The following ASIC2 variants were observed in gnomAD, a reference collection of about 807,000 sequenced individuals.
ASIC2 encodes acid-sensing ion channel 2.
ASIC2 carries 25 observed loss-of-function variants against 57.3 expected under a neutral mutation model. That is an observed-to-expected ratio of 0.44 (90% CI 0.32 to 0.61). ASIC2 has a LOEUF of 0.61. Among genes scored for constraint, ASIC2 ranks in the 20% least tolerant of loss-of-function variants. The pLI is 0.06. For missense variants in ASIC2, 641 were observed against 738.1 expected (o/e 0.87, Z 1.52); for synonymous variants, 319 against 307.5 (o/e 1.04, Z -0.39).
At chr17:33,860,738 T>C (rs1456496247) in intron 1 of ASIC2, among the ~76,000 whole-genome samples, 1 of 152,228 alleles carries the variant, frequency 6.6e-6, no homozygotes, top group East Asian at 1.9e-4. Flanking sequence ...AGATATATTT[T>C]TGCTGCCATT....
chr17:33,089,684 A>G (rs1313038690), intron 2 of ASIC2, among the ~76,000 whole-genome samples: 1 of 152,252 alleles, frequency 6.6e-6, no homozygotes, highest in African/African-American at 2.4e-5. Flanking sequence ...CTTCTGGGTC[A>G]TGAACTGAAG....
intron 1 of ASIC2, among the ~76,000 whole-genome samples, chr17:33,874,310 G>A (rs376333247): frequency 3.2e-4 from 49 of 152,138 alleles, no homozygotes; most frequent in South Asian, 2.9e-3. Flanking sequence ...TAGGGCTGCC[G>A]GATAAAATAC....
chr17:33,761,322 T>C (rs1483332501), intron 1 of ASIC2, among the ~76,000 whole-genome samples: 1 of 152,112 alleles, frequency 6.6e-6, no homozygotes, highest in Non-Finnish European at 1.5e-5. Context: ...ATCTGCTGGT[T>C]GGGTTATGGG....
At chr17:33,558,976 C>T (rs1483020436) in intron 1 of ASIC2, among the ~76,000 whole-genome samples, 3 of 152,138 alleles carry the variant, frequency 2.0e-5, no homozygotes, top group Non-Finnish European at 4.4e-5. Context: ...CCATGTTGGT[C>T]AGGCTGGTCT....
intron 1 of ASIC2, among the ~76,000 whole-genome samples, chr17:33,359,549 C>T (rs977175936): frequency 6.6e-6 from 1 of 152,084 alleles, no homozygotes; most frequent in Non-Finnish European, 1.5e-5. Context: ...AGCAGTGAGG[C>T]CAAGTAGCAA....
At chr17:33,151,628 C>A (rs968266785) in intron 1 of ASIC2, among the ~76,000 whole-genome samples, 1 of 152,122 alleles carries the variant, frequency 6.6e-6, no homozygotes, top group Non-Finnish European at 1.5e-5. Context: ...ATTAATGAAG[C>A]TATTGTGGGA....
intron 1 of ASIC2, among the ~76,000 whole-genome samples, chr17:33,489,449 G>A (rs533976076): frequency 1.3e-5 from 2 of 152,264 alleles, no homozygotes; most frequent in East Asian, 3.9e-4. Flanking sequence ...AATGGAACTG[G>A]CTCTGCTTCG....
intron 1 of ASIC2, among the ~76,000 whole-genome samples, chr17:33,621,579 G>T (rs898650080): frequency 1.3e-5 from 2 of 152,186 alleles, no homozygotes; most frequent in African/African-American, 4.8e-5. Context: ...ACAAGGAAGC[G>T]TAAGCTTAGC....
chr17:33,053,170 A>G (rs1441343017), intron 3 of ASIC2, among the ~76,000 whole-genome samples: 15 of 152,162 alleles, frequency 9.9e-5, no homozygotes, highest in Non-Finnish European at 2.1e-4. Context: ...GCAATTTTTT[A>G]TTAGTTTTAT....
chr17:33,973,541 GCAGGAGCGCTCTAACTTTCAATT>G (rs985994981), intron 1 of ASIC2, among the ~76,000 whole-genome samples: 12 of 152,176 alleles, frequency 7.9e-5, no homozygotes, highest in Non-Finnish European at 1.6e-4. Flanking sequence ...GATTGGGTAG[GCAGGAGCGCTCTAACTTTCAATT>G]ACAGTGTCAC....
intron 1 of ASIC2, among the ~76,000 whole-genome samples, chr17:33,764,878 C>G (rs1489900355): frequency 6.6e-6 from 1 of 152,114 alleles, no homozygotes; most frequent in Non-Finnish European, 1.5e-5. Flanking sequence ...ACGTGCCTGA[C>G]TTTTCCTCTT....
At position 34,032,842 on chromosome 17, in the gene ASIC2, G is replaced by A. The variant is rs138559090; in HGVS notation, c.555+123136C>T. Among the ~76,000 whole-genome samples, 583 of 152,294 alleles carry A rather than the reference G, an allele frequency of 3.8e-3. 3 individuals carry two copies. Among genetic ancestry groups the A allele is most frequent in the African/African-American group, 0.013 (542 of 41,550 alleles). ...CCTAAATATATATGCGCCCAGTACA[G>A]GAGTACCCAGATTCATAAAGTAAGT... On this transcript the variant is annotated intron_variant, in intron 1 of 9. Transcript: ENST00000359872.
intron 1 of ASIC2, among the ~76,000 whole-genome samples, chr17:34,127,485 G>A (rs995839331): frequency 6.6e-5 from 10 of 152,342 alleles, no homozygotes; most frequent in Middle Eastern, 3.4e-3. Context: ...TTTAGTTGTG[G>A]ATGCATCCCC....
chr17:33,663,568 G>T (rs1294996709), intron 1 of ASIC2, among the ~76,000 whole-genome samples: 2 of 151,076 alleles, frequency 1.3e-5, no homozygotes, highest in African/African-American at 4.9e-5. Flanking sequence ...CAGGTTAAAA[G>T]ACAATTTGTA....
At chr17:33,643,281 G>A (rs1906641254) in intron 1 of ASIC2, among the ~76,000 whole-genome samples, 2 of 152,046 alleles carry the variant, frequency 1.3e-5, no homozygotes. Flanking sequence ...AATGATGACT[G>A]TGATTCAGTG....
chr17:34,034,817 A>G (rs1272975399), intron 1 of ASIC2, among the ~76,000 whole-genome samples: 1 of 152,218 alleles, frequency 6.6e-6, no homozygotes, highest in African/African-American at 2.4e-5. Context: ...GATGTGAAGG[A>G]CCTCTTCAAG....
chr17:33,451,668 T>C (rs56275278), intron 1 of ASIC2, among the ~76,000 whole-genome samples: 10,716 of 152,250 alleles, frequency 0.07, 487 homozygotes, highest in Middle Eastern at 0.11. Flanking sequence ...TCCACTTTTA[T>C]TCAGAATAAC....
chr17:34,111,257 A>T (rs1911263136), intron 1 of ASIC2, among the ~76,000 whole-genome samples: 1 of 148,438 alleles, frequency 6.7e-6, no homozygotes, highest in African/African-American at 2.5e-5. Context: ...CATATATATA[A>T]TAGTATATAT....
intron 1 of ASIC2, among the ~76,000 whole-genome samples, chr17:33,376,832 C>T (rs1909294984): frequency 6.6e-6 from 1 of 152,112 alleles, no homozygotes; most frequent in Admixed American, 6.5e-5. Context: ...TCTCATGTAG[C>T]GGTTGTTGGG....
Sources: gnomAD v4.1 joint callset for allele counts (sites outside exome capture counted in the v4.1 genomes callset) on GRCh38, gnomAD v4.1.1 for gene constraint, MANE v1.5 for transcripts, NCBI Gene and HGNC (gene_info 2026-07-23, HGNC 2026-07-21) for gene names.